Variants in CADM1 observed in about 807,000 individuals in gnomAD.
The protein encoded by CADM1 is TSLC-1.
Under a neutral mutation model 53.1 loss-of-function variants are expected in CADM1, and 15 were observed. The ratio of observed to expected loss-of-function variants is 0.28; its 90% CI spans 0.19 to 0.44. The LOEUF is 0.44. Ranked by LOEUF, CADM1 falls within the 20% of genes least tolerant of loss-of-function variation. The pLI is 1.00. For synonymous variants in CADM1, 281 were observed against 243.0 expected (o/e 1.16, Z -1.45); for missense variants, 434 against 611.3 (o/e 0.71, Z 3.06).
At chr11:115,244,827 TGAGA>T (rs1490178228) in intron 1 of CADM1, among the ~76,000 whole-genome samples, 2 of 152,238 alleles carry the variant, frequency 1.3e-5, no homozygotes, top group African/African-American at 4.8e-5. Context: ...CACTTTAAGA[TGAGA>T]GAGAAACTGT....
intron 1 of CADM1, among the ~76,000 whole-genome samples, chr11:115,425,551 T>C (rs1183405084): frequency 6.6e-6 from 1 of 152,232 alleles, no homozygotes; most frequent in Non-Finnish European, 1.5e-5. Flanking sequence ...TTCACCCAAA[T>C]TTAATGTGCT....
At chr11:115,204,194 T>C (rs1940570690) in intron 8 of CADM1, among the ~76,000 whole-genome samples, 1 of 152,304 alleles carries the variant, frequency 6.6e-6, no homozygotes, top group African/African-American at 2.4e-5. Flanking sequence ...TAAACACACA[T>C]TGAAGATAGA....
chr11:115,250,168 G>T (rs1942553345), intron 1 of CADM1, among the ~76,000 whole-genome samples: 1 of 152,180 alleles, frequency 6.6e-6, no homozygotes, highest in African/African-American at 2.4e-5. Context: ...CTCGCAAAGT[G>T]CTGGGATTAC....
chr11:115,340,626 T>TTATATATATATATATA (rs869156485), intron 1 of CADM1, among the ~76,000 whole-genome samples: 8 of 48,240 alleles, frequency 1.7e-4, no homozygotes, highest in African/African-American at 4.8e-4. Context: ...ATAATAAATA[T>TTATATATATATATATA]TATATATATA....
intron 1 of CADM1, among the ~76,000 whole-genome samples, chr11:115,463,522 A>G (rs185421736): frequency 3.9e-5 from 6 of 152,350 alleles, no homozygotes; most frequent in Admixed American, 2.0e-4. Context: ...AATGAGATAT[A>G]TATGTACATT....
chr11:115,194,304 T>C (rs1280718777), intron 9 of CADM1, among the ~76,000 whole-genome samples: 3 of 152,200 alleles, frequency 2.0e-5, no homozygotes, highest in Non-Finnish European at 4.4e-5. Context: ...CACAACTGAA[T>C]ATAAAGTATA....
chr11:115,339,934 T>A (rs770719155), intron 1 of CADM1: 3 of 152,056 alleles, frequency 2.0e-5, no homozygotes, highest in Non-Finnish European at 4.4e-5. Flanking sequence ...AAAGTATTCA[T>A]CCCTCCACGT....
intron 7 of CADM1, among the ~76,000 whole-genome samples, chr11:115,213,577 T>C (rs6589486): frequency 0.35 from 53,434 of 152,116 alleles, 11,357 homozygotes; most frequent in Non-Finnish European, 0.47. Flanking sequence ...TTAAAAAGAC[T>C]GCCACTCCTA....
chr11:115,456,691 T>C (rs1339018597), intron 1 of CADM1, among the ~76,000 whole-genome samples: 2 of 152,132 alleles, frequency 1.3e-5, no homozygotes, highest in Non-Finnish European at 2.9e-5. Flanking sequence ...TTTGGGTAAA[T>C]CACTAAAATC....
rs898349240 is a variant in CADM1 at position 115,277,602 on chromosome 11, A to G, written c.125-37182T>C. Among the ~76,000 whole-genome samples the G allele has an allele frequency of 3.9e-5, 6 of 152,168 alleles. 1 individual carries two copies. The highest frequency in any genetic ancestry group is 7.3e-5 in the Non-Finnish European group (5 of 68,036). On this transcript the variant is annotated intron_variant, in intron 1 of 11. Transcript: ENST00000331581. ...TATTCTTCATAAAGTTCCTGCTCCA[A>G]ATAGGTTTTATACGCCATCCTCATG...
At chr11:115,246,575 A>C (rs1259624117) in intron 1 of CADM1, among the ~76,000 whole-genome samples, 1 of 152,192 alleles carries the variant, frequency 6.6e-6, no homozygotes, top group Non-Finnish European at 1.5e-5. Flanking sequence ...GATAGGCCTG[A>C]AATCATATGA....
At position 115,279,942 on chromosome 11, in the gene CADM1, C is replaced by T. The variant is rs141506856; in HGVS notation, c.125-39522G>A. Among the ~76,000 whole-genome samples, 72 of 152,294 alleles carry T rather than the reference C, an allele frequency of 4.7e-4. 1 individual carries two copies. In the East Asian group the frequency reaches 7.3e-3, roughly 16 times the overall value. On this transcript the variant is annotated intron_variant, in intron 1 of 11. Coordinates refer to ENST00000331581, the MANE Select transcript of CADM1 (RefSeq NM_001301043.2). ...GCAAGCCAGTACCCTAGGATGAGTG[C>T]GTGACTCGCATACTGCACAGCTGTA... is the stretch of plus-strand genomic sequence containing the variant.
At chr11:115,398,159 C>G (rs913242007) in intron 1 of CADM1, among the ~76,000 whole-genome samples, 9 of 152,208 alleles carry the variant, frequency 5.9e-5, no homozygotes, top group Non-Finnish European at 1.0e-4. Flanking sequence ...ATGGCAGTGG[C>G]ACAACACATC....
chr11:115,387,318 T>G (rs1946723734), intron 1 of CADM1, among the ~76,000 whole-genome samples: 1 of 152,076 alleles, frequency 6.6e-6, no homozygotes, highest in African/African-American at 2.4e-5. Flanking sequence ...GGAAAGCATA[T>G]TAGTGTTCCA....
chr11:115,272,932 G>A (rs1943342729), intron 1 of CADM1, among the ~76,000 whole-genome samples: 2 of 152,194 alleles, frequency 1.3e-5, no homozygotes, highest in African/African-American at 4.8e-5. Context: ...ACGACGTGAA[G>A]TTTTTACCAT....
intron 1 of CADM1, among the ~76,000 whole-genome samples, chr11:115,446,830 A>G (rs1273144157): frequency 6.6e-6 from 1 of 152,176 alleles, no homozygotes; most frequent in Non-Finnish European, 1.5e-5. Flanking sequence ...AGCTAGGTTG[A>G]GAAAAAGTAA....
rs1228928054 is a variant in CADM1 at position 115,295,525 on chromosome 11, TATATATATATATATATATATATATA to T, written c.125-55130_125-55106del. ...GATATTTTATATATATATATATATATATATATATATATATATATATATATAATATATATGTATATGCACATATATA... is the reference window on the plus strand; with the variant it reads ...GATATTTTATATATATATATATATATATATATATGTATATGCACATATATA... On this transcript the variant is annotated intron_variant, in intron 1 of 11. Coordinates refer to ENST00000331581, the MANE Select transcript of CADM1 (RefSeq NM_001301043.2). Among the ~76,000 whole-genome samples, 15 of 80,936 alleles carry T rather than the reference TATATATATATATATATATATATATA, an allele frequency of 1.9e-4. No homozygotes were observed. In the East Asian group the frequency reaches 2.7e-3, roughly 15 times the overall value. 53.1% of individuals were successfully genotyped at this position (80,936 alleles called of 152,430 possible).
At chr11:115,465,579 C>A (rs1023231051) in intron 1 of CADM1, among the ~76,000 whole-genome samples, 1 of 152,072 alleles carries the variant, frequency 6.6e-6, no homozygotes, top group African/African-American at 2.4e-5. Context: ...AAAGATAGTC[C>A]CATGACCTCA....
At position 115,176,299 on chromosome 11, in the gene CADM1, C is replaced by G. The variant is rs906661337; in HGVS notation, c.*175G>C. The G allele has an allele frequency of 4.8e-6, 7 of 1,469,574 alleles. No homozygotes were observed. Among genetic ancestry groups the G allele is most frequent in the Non-Finnish European group, 6.3e-6 (7 of 1,108,738 alleles). 91.0% of individuals were successfully genotyped at this position (1,469,574 alleles called of 1,614,324 possible). On this transcript the variant is annotated 3_prime_UTR_variant, in exon 12 of 12. Transcript: ENST00000331581. ...AAGAGGTGTCAAACAGCAGAGTGTACTTTCCAAAGAACATTTTTTTTTTTT... is the reference window on the plus strand; with the variant it reads ...AAGAGGTGTCAAACAGCAGAGTGTAGTTTCCAAAGAACATTTTTTTTTTTT...
Sources: gnomAD v4.1 joint callset for allele counts (sites outside exome capture counted in the v4.1 genomes callset) on GRCh38, gnomAD v4.1.1 for gene constraint, MANE v1.5 for transcripts, NCBI Gene and HGNC (gene_info 2026-07-23, HGNC 2026-07-21) for gene names.